Variants in ADAM28 observed in about 807,000 individuals in gnomAD.
ADAM28 encodes disintegrin and metalloproteinase domain-containing protein 28.
In ADAM28, 105 loss-of-function variants were observed where a neutral mutation model predicts 101.2. That is an observed-to-expected ratio of 1.04 (90% CI 0.89 to 1.22). The LOEUF is 1.22. ADAM28 is among the 50% of genes most tolerant of loss of function. The pLI, the probability that ADAM28 is intolerant of heterozygous loss-of-function variation, is 0.00. For synonymous variants in ADAM28, 322 were observed against 310.6 expected (o/e 1.04, Z -0.39); for missense variants, 1,028 against 945.4 (o/e 1.09, Z -1.15).
intron 20 of ADAM28, 29 bp downstream of exon 20, chr8:24,351,339 C>A: frequency 6.3e-7 from 1 of 1,591,124 alleles, no homozygotes; most frequent in Non-Finnish European, 8.6e-7. Context: ...GCTGTGATTA[C>A]CATGGCCCCA....
At chr8:24,335,166 G>GTT (rs531078764) in intron 13 of ADAM28, among the ~76,000 whole-genome samples, 87 of 140,702 alleles carry the variant, frequency 6.2e-4, no homozygotes, top group African/African-American at 2.2e-3. Flanking sequence ...GTTGTTGCCT[G>GTT]TTTTTTTTTT....
At chr8:24,314,750 A>G (rs1233088287) in intron 6 of ADAM28, among the ~76,000 whole-genome samples, 1 of 151,808 alleles carries the variant, frequency 6.6e-6, no homozygotes, top group African/African-American at 2.4e-5. Context: ...TGCCCATAAT[A>G]ATTTGTTAAG....
chr8:24,318,485 C>G (rs1248205237), intron 6 of ADAM28, among the ~76,000 whole-genome samples: 1 of 151,964 alleles, frequency 6.6e-6, no homozygotes, highest in Admixed American at 6.6e-5. Flanking sequence ...TAATGGCCAT[C>G]AGACGTTTAT....
At chr8:24,323,166 C>G (rs562645584) in intron 8 of ADAM28, among the ~76,000 whole-genome samples, 1 of 151,882 alleles carries the variant, frequency 6.6e-6, no homozygotes, top group Non-Finnish European at 1.5e-5. Flanking sequence ...TCTCACTGTG[C>G]CTTTATATGG....
At chr8:24,351,856 T>TTCTA in intron 20 of ADAM28, 131 bp from the exon 21 acceptor site, 5 of 768,134 alleles carry the variant, frequency 6.5e-6, no homozygotes, top group South Asian at 3.5e-5. Flanking sequence ...CACTGTGATT[T>TTCTA]TCTATCTGGT....
intron 2 of ADAM28, among the ~76,000 whole-genome samples, chr8:24,307,629 T>C (rs1809874659): frequency 6.6e-6 from 1 of 152,210 alleles, no homozygotes; most frequent in Non-Finnish European, 1.5e-5. Context: ...GAATAAATGT[T>C]TATGACTGGA....
In ADAM28 at chr8:24,325,871, CAAAAAAAAAAAAAAAA is replaced by C. The variant is rs5890146; in HGVS notation, c.891-669_891-654del. On this transcript the variant is annotated intron_variant, in intron 9 of 22. Coordinates refer to ENST00000265769, the MANE Select transcript of ADAM28 (RefSeq NM_014265.6). Reference sequence around the variant, plus strand: ...AAGGGCCAGGATCTTGTACAGATAGCAAAAAAAAAAAAAAAAAAAAAAAAAAAAACCAAAAAACAAA... The same window carrying C: ...AAGGGCCAGGATCTTGTACAGATAGCAAAAAAAAAAAAACCAAAAAACAAA... Among the ~76,000 whole-genome samples the C allele has an allele frequency of 5.4e-4, 11 of 20,418 alleles. No homozygotes were observed. In the East Asian group the frequency reaches 7.6e-3, roughly 14 times the overall value. 13.4% of individuals were successfully genotyped at this position (20,418 alleles called of 152,430 possible). A position where few individuals can be genotyped will look rare whatever the true frequency, so the allele number is the denominator to read the frequency against.
intron 2 of ADAM28, among the ~76,000 whole-genome samples, chr8:24,300,584 T>G (rs551598147): frequency 6.0e-4 from 92 of 152,114 alleles, no homozygotes; most frequent in African/African-American, 2.0e-3. Flanking sequence ...CTCGGCTAAT[T>G]TTTTTGTATT....
At chr8:24,328,560 G>A (rs927580748) in intron 10 of ADAM28, among the ~76,000 whole-genome samples, 1 of 152,062 alleles carries the variant, frequency 6.6e-6, no homozygotes, top group Non-Finnish European at 1.5e-5. Flanking sequence ...ATAGTAGGTA[G>A]CTTAATGCTA....
At chr8:24,298,963 A>G (rs1808343194) in intron 1 of ADAM28, among the ~76,000 whole-genome samples, 1 of 151,882 alleles carries the variant, frequency 6.6e-6, no homozygotes, top group African/African-American at 2.4e-5. Flanking sequence ...AGGCCGAGCC[A>G]GGAGGATTGC....
chr8:24,316,851 C>G (rs11987486), intron 6 of ADAM28, among the ~76,000 whole-genome samples: 1 of 151,838 alleles, frequency 6.6e-6, no homozygotes, highest in Non-Finnish European at 1.5e-5. Flanking sequence ...TTAACACTAA[C>G]AAATAAGTTC....
chr8:24,326,593 T>C lies in ADAM28; in HGVS notation c.930T>C (p.Phe310=). 6.2e-7 allele frequency: 1 copy of C among 1,612,234 alleles called. No homozygotes were observed. Among genetic ancestry groups the C allele is most frequent in the Non-Finnish European group, 8.5e-7 (1 of 1,178,790 alleles). ...ELAGTTVGLA[F]MSTMCSPYSV... is the part of the protein sequence containing the mutation. ...CTGGAACGACTGTGGGTCTTGCATT[T>C]ATGTCTACAATGTGTTCTCCTTATT... Residue 310 remains phenylalanine (F), a synonymous_variant, in exon 10 of 23, where the codon TTT becomes TTC. Transcript: ENST00000265769.
intron 1 of ADAM28, among the ~76,000 whole-genome samples, chr8:24,298,155 G>A (rs62502711): frequency 0.13 from 19,052 of 151,924 alleles, 1,216 homozygotes; most frequent in East Asian, 0.24. Flanking sequence ...TTTAATTGGC[G>A]TCCTTTTTTC....
At chr8:24,334,451 G>T (rs1443092393) in intron 13 of ADAM28, among the ~76,000 whole-genome samples, 1 of 152,144 alleles carries the variant, frequency 6.6e-6, no homozygotes, top group Non-Finnish European at 1.5e-5. Context: ...TGCATTAAAG[G>T]TGTCAGAGGA....
intron 6 of ADAM28, among the ~76,000 whole-genome samples, 178 bp downstream of exon 6, chr8:24,313,758 ATTT>A (rs11458720): frequency 1.4e-5 from 2 of 139,218 alleles, no homozygotes; most frequent in Non-Finnish European, 1.6e-5. Flanking sequence ...GGAATCAACT[ATTT>A]TTTTTTTTTT....
Position 24,339,533 on chromosome 8 carries a change from C to G in ADAM28, c.1635C>G (p.Arg545=). ...GTGGGTCAAAGTACGGGTACTGTCG[C>G]AGAGTGGATGACACACTCATTCCCT... ...NEGGSKYGYC[R]RVDDTLIPCK... is the part of the protein sequence containing the mutation. Residue 545 remains arginine (R), a synonymous_variant, in exon 15 of 23, where the codon CGC becomes CGG. Transcript: ENST00000265769. 2 of 1,612,930 alleles carry G rather than the reference C, an allele frequency of 1.2e-6. No homozygotes were observed. The highest frequency in any genetic ancestry group is 8.5e-7 in the Non-Finnish European group (1 of 1,179,444).
intron 4 of ADAM28, 110 bp downstream of exon 4, chr8:24,310,351 C>G: frequency 1.1e-6 from 1 of 894,620 alleles, no homozygotes; most frequent in Non-Finnish European, 1.7e-6. Flanking sequence ...AACATTAGTG[C>G]TTTTTTCAGC....
At position 24,330,073 on chromosome 8, in the gene ADAM28, G is replaced by T. The variant is rs145612420; in HGVS notation, c.1061G>T (p.Cys354Phe). Residue 354 changes from cysteine to phenylalanine, a missense_variant, in exon 11 of 23, where the codon TGC becomes TTC. Transcript: ENST00000265769. ...GGAATGTTTCATGACGACTATTCTTGCAAGTGTCCTTCTACAATATGTGTG... is the reference window on the plus strand; with the variant it reads ...GGAATGTTTCATGACGACTATTCTTTCAAGTGTCCTTCTACAATATGTGTG... Reference protein sequence around the residue: ...NFGMFHDDYSCKCPSTICVMD... With the variant: ...NFGMFHDDYSFKCPSTICVMD... 95 of 1,613,536 alleles carry T rather than the reference G, an allele frequency of 5.9e-5. No individual in the cohort carries two copies. Among genetic ancestry groups the T allele is most frequent in the Admixed American group, 8.3e-5 (5 of 59,916 alleles).
Position 24,341,662 on chromosome 8 carries a change from A to G in ADAM28, c.1735A>G (p.Ile579Val). ...GGATAATTTGCCCTGGAAAGGACGG[A>G]TAGTGACTTTCCTGACATGTAAAAC... is the stretch of plus-strand genomic sequence containing the variant. ...GSDNLPWKGRIVTFLTCKTFD... is the reference protein window; with the variant it reads ...GSDNLPWKGRVVTFLTCKTFD... The change falls in exon 16 of 23, where the codon ATA becomes GTA. Residue 579 changes from isoleucine to valine, a missense_variant. By Grantham distance (29) the Ile-to-Val change is conservative. Coordinates refer to ENST00000265769, the MANE Select transcript of ADAM28 (RefSeq NM_014265.6). 6.2e-7 allele frequency: 1 copy of G among 1,613,950 alleles called. No homozygotes were observed. The highest frequency in any genetic ancestry group is 8.5e-7 in the Non-Finnish European group (1 of 1,179,852).
Sources: gnomAD v4.1 joint callset for allele counts (sites outside exome capture counted in the v4.1 genomes callset) on GRCh38, gnomAD v4.1.1 for gene constraint, MANE v1.5 for transcripts, NCBI Gene and HGNC (gene_info 2026-07-23, HGNC 2026-07-21) for gene names.